The following GLRA2 variants were observed in gnomAD, a reference collection of about 807,000 sequenced individuals.
GLRA2 encodes glycine receptor alpha 2.
Under a neutral mutation model 31.6 loss-of-function variants are expected in GLRA2, and 11 were observed. The ratio of observed to expected loss-of-function variants is 0.35; its 90% confidence interval spans 0.22 to 0.58. The LOEUF (loss-of-function observed/expected upper bound fraction) is 0.58, where lower values mean the gene tolerates loss of function less well. GLRA2 is among the 20% of genes least tolerant of loss of function. GLRA2 has a pLI of 0.84. For missense variants in GLRA2, 212 were observed against 351.8 expected (o/e 0.60, Z 3.18); for synonymous variants, 132 against 134.0 (o/e 0.99, Z 0.10).
chrX:14,467,749 T>C, the GLRA2 span, among the ~76,000 whole-genome samples: 1 of 111,027 alleles, frequency 9.0e-6, no homozygotes, highest in Non-Finnish European at 1.9e-5. Context: ...AGATGAGTAG[T>C]GATTTTTTCA....
intron 7 of GLRA2, among the ~76,000 whole-genome samples, chrX:14,642,878 A>G (rs966458302): frequency 1.8e-5 from 2 of 111,304 alleles, no homozygotes; most frequent in African/African-American, 6.5e-5. Flanking sequence ...CTGATAAGAT[A>G]TCATGTCCAT....
chrX:14,512,264 C>T, the GLRA2 span, among the ~76,000 whole-genome samples: 1 of 111,451 alleles, frequency 9.0e-6, no homozygotes, highest in South Asian at 3.7e-4. Context: ...ATAGAAGGGA[C>T]ATACCTTAAG....
At chrX:14,600,212 A>T (rs1180453314) in intron 4 of GLRA2, among the ~76,000 whole-genome samples, 1 of 111,284 alleles carries the variant, frequency 9.0e-6, no homozygotes, top group Non-Finnish European at 1.9e-5. Flanking sequence ...AGGCAGCAAT[A>T]ATTGTGTGTG....
intron 2 of GLRA2, among the ~76,000 whole-genome samples, chrX:14,554,448 A>G (rs1200498167): frequency 9.0e-6 from 1 of 111,484 alleles, no homozygotes; most frequent in Non-Finnish European, 1.9e-5. Context: ...TGGTGCTTTA[A>G]GATCTCTTTT....
At chrX:14,514,009 A>C in the GLRA2 span, among the ~76,000 whole-genome samples, 1 of 112,462 alleles carries the variant, frequency 8.9e-6, no homozygotes, top group Admixed American at 9.5e-5. Context: ...AAAATATGGA[A>C]GCTGCTCAAA....
the GLRA2 span, among the ~76,000 whole-genome samples, chrX:14,504,064 A>T: frequency 1.8e-5 from 2 of 111,762 alleles, no homozygotes; most frequent in Admixed American, 9.5e-5. Flanking sequence ...TTTTCTACTA[A>T]TATAGCTACT....
chrX:14,603,938 A>G (rs980465714), intron 4 of GLRA2, among the ~76,000 whole-genome samples: 2 of 111,254 alleles, frequency 1.8e-5, no homozygotes, highest in African/African-American at 6.5e-5. Context: ...TAATTCTAAA[A>G]TAGTATAAAC....
the GLRA2 span, among the ~76,000 whole-genome samples, chrX:14,477,898 C>G: frequency 9.0e-6 from 1 of 111,017 alleles, no homozygotes; most frequent in Non-Finnish European, 1.9e-5. Context: ...CCATGCACAG[C>G]TGATCAGCCA....
chrX:14,596,079 T>C (rs1291690778), intron 4 of GLRA2, among the ~76,000 whole-genome samples: 1 of 111,433 alleles, frequency 9.0e-6, no homozygotes, highest in African/African-American at 3.3e-5. Context: ...TGTACTCTGT[T>C]CTTTATGACC....
chrX:14,668,632 C>T (rs930084851), intron 7 of GLRA2, among the ~76,000 whole-genome samples: 2 of 112,279 alleles, frequency 1.8e-5, no homozygotes, highest in African/African-American at 6.5e-5. Context: ...AGGCACGTCT[C>T]ACATGGCAGC....
the GLRA2 span, among the ~76,000 whole-genome samples, chrX:14,451,800 G>A: frequency 1.8e-5 from 2 of 109,542 alleles, no homozygotes; most frequent in East Asian, 2.8e-4. Flanking sequence ...GAAAAAAAGG[G>A]CAAGAATCAC....
chrX:14,662,570 CAT>C (rs1347880967), intron 7 of GLRA2, among the ~76,000 whole-genome samples: 4 of 111,555 alleles, frequency 3.6e-5, no homozygotes, highest in African/African-American at 1.3e-4. Flanking sequence ...TTTAGGCACA[CAT>C]GAGTTATAAA....
the GLRA2 span, among the ~76,000 whole-genome samples, chrX:14,469,693 T>G: frequency 4.8e-5 from 3 of 62,378 alleles, no homozygotes; most frequent in South Asian, 1.3e-3. Flanking sequence ...TGGGGACTGT[T>G]GTGGGGTGGG....
chrX:14,655,920 C>CT (rs1208655804), intron 7 of GLRA2, among the ~76,000 whole-genome samples: 2 of 111,450 alleles, frequency 1.8e-5, no homozygotes, highest in East Asian at 2.8e-4. Flanking sequence ...TATGCAAATA[C>CT]TTTTTTTTCT....
At chrX:14,484,390 T>C in the GLRA2 span, among the ~76,000 whole-genome samples, 1 of 112,185 alleles carries the variant, frequency 8.9e-6, no homozygotes, top group Admixed American at 9.5e-5. Context: ...TGCTGGTTAA[T>C]GCTCTGGACT....
intron 8 of GLRA2, among the ~76,000 whole-genome samples, chrX:14,698,914 G>C (rs1022866666): frequency 9.0e-6 from 1 of 111,028 alleles, no homozygotes. Context: ...CATGGGAAGA[G>C]TGTCTGGTAT....
intron 7 of GLRA2, among the ~76,000 whole-genome samples, chrX:14,658,526 A>C (rs904891285): frequency 9.0e-6 from 1 of 111,550 alleles, no homozygotes; most frequent in Non-Finnish European, 1.9e-5. Context: ...TCCAAACTCT[A>C]AAAATCTTTC....
the GLRA2 span, among the ~76,000 whole-genome samples, chrX:14,488,189 A>T: frequency 8.9e-6 from 1 of 112,266 alleles, no homozygotes; most frequent in Non-Finnish European, 1.9e-5. Flanking sequence ...AAATAATGCC[A>T]TTCTTCCCTT....
chrX:14,587,540 T>C (rs1261740661), intron 4 of GLRA2, among the ~76,000 whole-genome samples: 1 of 111,999 alleles, frequency 8.9e-6, no homozygotes, highest in African/African-American at 3.3e-5. Context: ...TAATGACCAG[T>C]GATGATGAAC....
Sources: allele counts gnomAD v4.1 joint callset (sites outside exome capture counted in the v4.1 genomes callset), GRCh38; gene constraint gnomAD v4.1.1; transcripts MANE v1.5; gene names NCBI Gene and HGNC (gene_info 2026-07-23, HGNC 2026-07-21).